SDK1: variants seen among roughly 807,000 people sequenced by gnomAD.
SDK1 encodes the protein sidekick cell adhesion molecule 1, also known as protein sidekick-1.
A neutral mutation model predicts 245.5 loss-of-function variants in SDK1; 157 were observed. That is an observed-to-expected ratio of 0.64 (90% CI 0.56 to 0.73). The LOEUF is 0.73. SDK1 is among the 30% of genes least tolerant of loss of function. The probability of loss-of-function intolerance (pLI) is 0.00; values close to 1 mark genes in which losing one functional copy is unlikely to be tolerated. For missense variants in SDK1, 3,583 were observed against 3,002.3 expected, an observed-to-expected ratio of 1.19 and a Z score of -4.52; for synonymous variants, 1,647 against 1,278.5, an observed-to-expected ratio of 1.29 and a Z score of -6.15.
chr7:3,640,918 G>C (rs1167382189), intron 3 of SDK1, among the ~76,000 whole-genome samples: 2 of 151,956 alleles, frequency 1.3e-5, no homozygotes, highest in Non-Finnish European at 2.9e-5. Flanking sequence ...TCCTGACCTC[G>C]TGATCCACCC....
At chr7:4,027,400 A>T (rs1232294300) in intron 17 of SDK1, among the ~76,000 whole-genome samples, 2 of 152,204 alleles carry the variant, frequency 1.3e-5, no homozygotes, top group African/African-American at 4.8e-5. Context: ...GCTCCTTAGC[A>T]TGTGTAGGTG....
At chr7:3,379,772 C>A (rs1000455008) in intron 1 of SDK1, among the ~76,000 whole-genome samples, 2 of 148,042 alleles carry the variant, frequency 1.4e-5, no homozygotes, top group African/African-American at 5.1e-5. Context: ...GGCTGAACAT[C>A]CCAAATCCGA....
At chr7:3,931,590 AG>A (rs1253187173) in intron 5 of SDK1, among the ~76,000 whole-genome samples, 1 of 152,184 alleles carries the variant, frequency 6.6e-6, no homozygotes, top group African/African-American at 2.4e-5. Flanking sequence ...CTTTCTATTC[AG>A]GCATGTGGGG....
chr7:3,745,150 A>C (rs184267927), intron 4 of SDK1, among the ~76,000 whole-genome samples: 2 of 152,188 alleles, frequency 1.3e-5, no homozygotes, highest in Non-Finnish European at 2.9e-5. Context: ...AATTATATCA[A>C]TTTTACTTAG....
chr7:3,326,061 A>C (rs1448171912), intron 1 of SDK1, among the ~76,000 whole-genome samples: 1 of 152,190 alleles, frequency 6.6e-6, no homozygotes, highest in Non-Finnish European at 1.5e-5. Flanking sequence ...GCTATTGTAC[A>C]ATATTTCTTA....
In SDK1 at chr7:4,067,934, C is replaced by G. The variant is rs1780004721; in HGVS notation, c.3008C>G (p.Thr1003Ser). Residue 1003 changes from threonine to serine, a missense_variant and splice_region_variant, in exon 20 of 45, where the codon ACT becomes AGT. Physicochemically the swap from Thr to Ser is moderately conservative, Grantham distance 58 (BLOSUM62 1). Coordinates refer to ENST00000404826, the MANE Select transcript of SDK1 (RefSeq NM_152744.4). ...QEPLEKNGII[T>S]GYQISWEVYG... ...CCCCTGGAGAAAAATGGCATCATTA[C>G]TGGTAAGTAGGCCTGTCCTTCAAAA... 5 of 1,603,060 alleles carry G rather than the reference C, an allele frequency of 3.1e-6. No homozygotes were observed. Among genetic ancestry groups the G allele is most frequent in the South Asian group, 1.1e-5 (1 of 89,888 alleles).
At chr7:3,780,398 A>T (rs1047587540) in intron 4 of SDK1, among the ~76,000 whole-genome samples, 4 of 152,232 alleles carry the variant, frequency 2.6e-5, no homozygotes, top group African/African-American at 9.6e-5. Context: ...AGAAACAAAG[A>T]AAGGAGGCAG....
At chr7:3,693,191 G>C (rs1784481148) in intron 4 of SDK1, among the ~76,000 whole-genome samples, 1 of 151,832 alleles carries the variant, frequency 6.6e-6, no homozygotes, top group African/African-American at 2.4e-5. Context: ...ATGCTACTTT[G>C]AGACTGTGTG....
intron 22 of SDK1, among the ~76,000 whole-genome samples, chr7:4,108,402 C>G (rs1008192340): frequency 6.6e-6 from 1 of 150,800 alleles, no homozygotes; most frequent in Non-Finnish European, 1.5e-5. Context: ...ATGGCTACCC[C>G]AGTGCTGAGA....
intron 38 of SDK1, 142 bp downstream of exon 38, chr7:4,210,304 C>G (rs1784447703): frequency 4.4e-6 from 4 of 903,854 alleles, no homozygotes; most frequent in South Asian, 5.7e-5. Context: ...GGAATCTGAG[C>G]TGGACGGGGC....
At chr7:3,967,644 T>G (rs981527498) in intron 10 of SDK1, among the ~76,000 whole-genome samples, 1 of 152,248 alleles carries the variant, frequency 6.6e-6, no homozygotes, top group Non-Finnish European at 1.5e-5. Flanking sequence ...CAGTGGGGGC[T>G]GATGGTCTAA....
At chr7:3,849,529 A>G (rs956744266) in intron 5 of SDK1, among the ~76,000 whole-genome samples, 8 of 152,320 alleles carry the variant, frequency 5.3e-5, no homozygotes, top group Middle Eastern at 3.4e-3. Flanking sequence ...CCACTTCAGT[A>G]TATGTTCAAT....
chr7:3,582,890 A>AGAGATGCTAT (rs1780553509), intron 1 of SDK1, among the ~76,000 whole-genome samples: 1 of 152,074 alleles, frequency 6.6e-6, no homozygotes, highest in South Asian at 2.1e-4. Context: ...TTAAGACCTC[A>AGAGATGCTAT]GAGATGCTGA....
At chr7:3,589,203 C>G (rs774062764) in intron 1 of SDK1, among the ~76,000 whole-genome samples, 6 of 152,210 alleles carry the variant, frequency 3.9e-5, no homozygotes, top group Non-Finnish European at 1.5e-5. Context: ...GACGTTGGTA[C>G]TGATCTCACA....
intron 5 of SDK1, among the ~76,000 whole-genome samples, chr7:3,877,406 A>G (rs1781101977): frequency 6.6e-6 from 1 of 152,186 alleles, no homozygotes. Context: ...TAAACGTTCG[A>G]CATCTCAAAG....
At chr7:3,903,711 T>C (rs1781869673) in intron 5 of SDK1, among the ~76,000 whole-genome samples, 1 of 152,192 alleles carries the variant, frequency 6.6e-6, no homozygotes, top group South Asian at 2.1e-4. Context: ...CTATGTGGTA[T>C]GTGATGGTTT....
intron 1 of SDK1, among the ~76,000 whole-genome samples, chr7:3,376,683 G>C (rs1781364039): frequency 6.6e-6 from 1 of 152,082 alleles, no homozygotes; most frequent in Non-Finnish European, 1.5e-5. Context: ...TTTTCTGGAG[G>C]GCAGTCTAGT....
At chr7:3,391,174 A>G (rs975385415) in intron 1 of SDK1, among the ~76,000 whole-genome samples, 4 of 152,082 alleles carry the variant, frequency 2.6e-5, no homozygotes, top group Non-Finnish European at 5.9e-5. Context: ...GGAAGGTTAC[A>G]TAAAGTGGTA....
intron 44 of SDK1, among the ~76,000 whole-genome samples, chr7:4,255,803 G>A (rs903608749): frequency 2.0e-5 from 3 of 152,100 alleles, no homozygotes; most frequent in Non-Finnish European, 4.4e-5. Context: ...AGGGAGAGCA[G>A]GTCATGGCTC....
Sources: gnomAD v4.1 joint callset for allele counts (sites outside exome capture counted in the v4.1 genomes callset) on GRCh38, gnomAD v4.1.1 for gene constraint, MANE v1.5 for transcripts, NCBI Gene and HGNC (gene_info 2026-07-23, HGNC 2026-07-21) for gene names.